MCF2L: variants seen among roughly 807,000 people sequenced by gnomAD.
MCF2L encodes MCF.2 cell line derived transforming sequence like.
Under a neutral mutation model 153.4 loss-of-function variants are expected in MCF2L, and 97 were observed. That is an observed-to-expected ratio of 0.63 (90% CI 0.54 to 0.75). MCF2L has a LOEUF of 0.75. Ranked by LOEUF, MCF2L falls within the 30% of genes least tolerant of loss-of-function variation. The pLI is 0.00. For missense variants in MCF2L, 1,347 were observed against 1,495.2 expected (o/e 0.90, Z 1.64); for synonymous variants, 659 against 632.2 (o/e 1.04, Z -0.64).
intron 1 of MCF2L, chr13:112,985,263 C>T: frequency 2.6e-6 from 1 of 386,434 alleles, no homozygotes; most frequent in African/African-American, 2.1e-5. Context: ...AGTAAAAAGC[C>T]AGCTGGTCCC....
At chr13:113,078,223 C>A (rs2033710800) in intron 13 of MCF2L, 140 bp from the exon 14 acceptor site, 2 of 688,824 alleles carry the variant, frequency 2.9e-6, no homozygotes, top group African/African-American at 1.8e-5. Flanking sequence ...GCCTCAGAGG[C>A]CAAGTCCTGC....
chr13:112,929,042 GACAA>G (rs1339283764), intron 2 of MCF2L, among the ~76,000 whole-genome samples: 1 of 152,220 alleles, frequency 6.6e-6, no homozygotes, highest in Non-Finnish European at 1.5e-5. Context: ...GCGTGCAGAT[GACAA>G]ACAGAGGTTC....
intron 2 of MCF2L, among the ~76,000 whole-genome samples, chr13:112,958,769 T>TG (rs929866417): frequency 2.5e-4 from 38 of 152,300 alleles, no homozygotes; most frequent in Middle Eastern, 3.4e-3. Flanking sequence ...TGCTCGTGTG[T>TG]GGGATACGTG....
intron 2 of MCF2L, among the ~76,000 whole-genome samples, chr13:113,022,318 C>T (rs9577428): frequency 0.18 from 26,993 of 151,956 alleles, 2,553 homozygotes; most frequent in East Asian, 0.29. Context: ...TTGTTGCATC[C>T]GCTCCTCTTC....
At chr13:113,006,285 C>G (rs571198500) in intron 1 of MCF2L, among the ~76,000 whole-genome samples, 49 of 152,346 alleles carry the variant, frequency 3.2e-4, no homozygotes, top group African/African-American at 1.2e-3. Context: ...CCCTGCAGTC[C>G]TGGGCTGCTT....
At chr13:113,048,526 T>C (rs1451536838) in intron 4 of MCF2L, among the ~76,000 whole-genome samples, 2 of 112,734 alleles carry the variant, frequency 1.8e-5, no homozygotes, top group African/African-American at 2.9e-5. Context: ...CTGCAAGCTC[T>C]GCCTCCCCGG....
chr13:112,990,120 C>G (rs879824625), intron 1 of MCF2L, among the ~76,000 whole-genome samples: 1 of 152,190 alleles, frequency 6.6e-6, no homozygotes. Flanking sequence ...CTGTGCAGCC[C>G]GACCAGTACC....
At chr13:113,043,205 AC>A (rs1333345831) in intron 3 of MCF2L, 2 of 152,232 alleles carry the variant, frequency 1.3e-5, no homozygotes, top group African/African-American at 2.4e-5. Flanking sequence ...CCCGCCCAAC[AC>A]ACAGCCCCTT....
chr13:112,960,767 C>T lies in MCF2L; in HGVS notation c.170-53996C>T, dbSNP rs552660913. ...TCCAGCCCCAGGTGCTGCCTGCATT[C>T]CTGGGCTCATGGCCGCACCACCCAG... is the stretch of plus-strand genomic sequence containing the variant. On this transcript the variant is annotated intron_variant, in intron 2 of 29. Transcript: ENST00000375608. This position sits in a 1 kb window ranked among gnomAD's most constrained non-coding sequence, Gnocchi z 4.2. Among the ~76,000 whole-genome samples, 5 of 152,270 alleles carry T rather than the reference C, an allele frequency of 3.3e-5. No homozygotes were observed. The highest frequency in any genetic ancestry group is 1.2e-4 in the African/African-American group (5 of 41,546).
chr13:113,017,107 G>A (rs1359782146), intron 2 of MCF2L, among the ~76,000 whole-genome samples: 2 of 152,262 alleles, frequency 1.3e-5, no homozygotes, highest in Non-Finnish European at 2.9e-5. Flanking sequence ...GAGGAAGCCT[G>A]TGGCAGCCTC....
intron 4 of MCF2L, among the ~76,000 whole-genome samples, chr13:113,056,083 T>C (rs1044912492): frequency 6.6e-6 from 1 of 152,146 alleles, no homozygotes; most frequent in African/African-American, 2.4e-5. Flanking sequence ...GAGGTCTCCA[T>C]GGGAGGGGTC....
rs535760789 is a variant in MCF2L at position 113,046,208 on chromosome 13, G to A, written c.369+847G>A. On this transcript the variant is annotated intron_variant, in intron 4 of 29. Transcript: ENST00000535094. This position sits in a 1 kb window ranked among gnomAD's most constrained non-coding sequence, Gnocchi z 4.4. ...CCGGCATGGAGCATTTTTCACCCAC[G>A]CTCGCTCTCCCCGCCTGTCCGTCCA... The A allele has an allele frequency of 7.5e-5, 15 of 200,690 alleles. No homozygotes were observed. Among genetic ancestry groups the A allele is most frequent in the African/African-American group, 2.4e-4 (10 of 42,296 alleles). 12.4% of individuals were successfully genotyped at this position (200,690 alleles called of 1,614,324 possible).
chr13:112,978,326 G>C (rs917843064), intron 1 of MCF2L, among the ~76,000 whole-genome samples: 12 of 152,178 alleles, frequency 7.9e-5, no homozygotes, highest in Admixed American at 3.3e-4. Context: ...GCTGCTTCAG[G>C]GGACGGCAGC....
intron 2 of MCF2L, among the ~76,000 whole-genome samples, chr13:112,939,968 CAA>C (rs34815677): frequency 4.6e-5 from 6 of 131,808 alleles, no homozygotes; most frequent in Admixed American, 7.8e-5. Context: ...GACTCCATCT[CAA>C]AAAAAAAAAA....
intron 1 of MCF2L, among the ~76,000 whole-genome samples, chr13:113,007,569 G>A (rs2083789167): frequency 6.6e-6 from 1 of 152,256 alleles, no homozygotes; most frequent in Admixed American, 6.5e-5. Context: ...CTAGAGTGGG[G>A]CAGCACTGCA....
intron 1 of MCF2L, among the ~76,000 whole-genome samples, chr13:112,897,170 C>T (rs536215379): frequency 8.5e-5 from 13 of 152,354 alleles, no homozygotes; most frequent in Non-Finnish European, 1.2e-4. Flanking sequence ...ATGGCAACCC[C>T]CGCTTTGGGA....
chr13:112,946,894 G>T (rs185217776), intron 2 of MCF2L, among the ~76,000 whole-genome samples: 11 of 152,288 alleles, frequency 7.2e-5, no homozygotes, highest in Middle Eastern at 3.4e-3. Flanking sequence ...CAACTCTGAG[G>T]GGGGGAGGAG....
At chr13:112,916,335 A>G (rs1011127049) in intron 2 of MCF2L, among the ~76,000 whole-genome samples, 2 of 152,194 alleles carry the variant, frequency 1.3e-5, no homozygotes, top group African/African-American at 4.8e-5. Context: ...ATGTAGTTCT[A>G]CTGATTTTCC....
intron 1 of MCF2L, among the ~76,000 whole-genome samples, chr13:112,894,922 G>A (rs1001155810): frequency 3.9e-5 from 4 of 101,278 alleles, no homozygotes; most frequent in South Asian, 5.1e-4. Context: ...CTGGGGTCGG[G>A]CCCACACCTG....
Sources: allele counts gnomAD v4.1 joint callset (sites outside exome capture counted in the v4.1 genomes callset), GRCh38; gene constraint gnomAD v4.1.1; non-coding constraint Gnocchi (gnomAD v3.1); transcripts MANE v1.5; gene names NCBI Gene and HGNC (gene_info 2026-07-23, HGNC 2026-07-21).